Variants in GALNT17 observed in about 807,000 individuals in gnomAD.
GALNT17 encodes polypeptide N-acetylgalactosaminyltransferase 17, also known as UDP-GalNAc:polypeptide N-acetylgalactosaminyltransferase-like 3.
In GALNT17, 29 loss-of-function variants were observed where a neutral mutation model predicts 63.7. The observed-to-expected ratio is 0.46, with a 90% confidence interval of 0.34 to 0.62. The LOEUF (loss-of-function observed/expected upper bound fraction) is 0.62, where lower values mean the gene tolerates loss of function less well. Among genes scored for constraint, GALNT17 ranks in the 20% least tolerant of loss-of-function variants. The pLI is 0.01. For missense variants in GALNT17, 603 were observed against 799.6 expected (o/e 0.75, Z 2.97); for synonymous variants, 305 against 318.3 (o/e 0.96, Z 0.45).
At chr7:71,571,874 G>A (rs1009665345) in intron 6 of GALNT17, among the ~76,000 whole-genome samples, 2 of 151,854 alleles carry the variant, frequency 1.3e-5, no homozygotes, top group South Asian at 4.2e-4. Context: ...TTAGCCAAGC[G>A]TGATGGTGCA....
chr7:71,675,586 G>A (rs1791137655), intron 8 of GALNT17, among the ~76,000 whole-genome samples: 1 of 151,744 alleles, frequency 6.6e-6, no homozygotes, highest in African/African-American at 2.4e-5. Context: ...TTGCACCCCT[G>A]CACTCCAGCC....
intron 5 of GALNT17, among the ~76,000 whole-genome samples, chr7:71,457,273 T>G (rs1787371187): frequency 1.3e-5 from 2 of 152,198 alleles, no homozygotes; most frequent in South Asian, 4.1e-4. Context: ...CTTTTGTCTT[T>G]TAAGCTATCT....
At chr7:71,137,288 C>T (rs916329831) in intron 1 of GALNT17, among the ~76,000 whole-genome samples, 5 of 151,932 alleles carry the variant, frequency 3.3e-5, no homozygotes, top group South Asian at 2.1e-4. Flanking sequence ...TACAGGCGTC[C>T]GCCACCACGC....
intron 1 of GALNT17, among the ~76,000 whole-genome samples, chr7:71,164,197 A>G (rs79216094): frequency 0.027 from 4,121 of 152,324 alleles, 87 homozygotes; most frequent in Non-Finnish European, 0.04. Flanking sequence ...CTATAAAGAT[A>G]CTACCCGAGA....
intron 2 of GALNT17, among the ~76,000 whole-genome samples, chr7:71,378,507 G>A (rs1167603382): frequency 6.6e-6 from 1 of 152,128 alleles, no homozygotes; most frequent in Non-Finnish European, 1.5e-5. Context: ...ACAGAAGTGT[G>A]GTTGTGTTCG....
intron 5 of GALNT17, among the ~76,000 whole-genome samples, chr7:71,555,890 T>C (rs930517488): frequency 6.6e-6 from 1 of 152,260 alleles, no homozygotes; most frequent in Non-Finnish European, 1.5e-5. Flanking sequence ...GCTCGTGCGC[T>C]TGAAATCCGG....
chr7:71,142,160 A>G (rs528333074), intron 1 of GALNT17, among the ~76,000 whole-genome samples: 5 of 152,186 alleles, frequency 3.3e-5, no homozygotes, highest in South Asian at 4.1e-4. Context: ...ATGAGCCACT[A>G]TGCGGGGCCC....
chr7:71,616,320 C>T (rs1366367771), intron 6 of GALNT17, among the ~76,000 whole-genome samples: 1 of 151,996 alleles, frequency 6.6e-6, no homozygotes, highest in Non-Finnish European at 1.5e-5. Context: ...GATTGCTTCT[C>T]TTGTCCTCAC....
intron 1 of GALNT17, among the ~76,000 whole-genome samples, chr7:71,256,152 A>G (rs1398106939): frequency 1.3e-5 from 2 of 152,158 alleles, no homozygotes; most frequent in Non-Finnish European, 2.9e-5. Context: ...CCATTTACCA[A>G]TCAGAAAATC....
At chr7:71,555,710 C>T (rs545454283) in intron 5 of GALNT17, among the ~76,000 whole-genome samples, 1 of 152,150 alleles carries the variant, frequency 6.6e-6, no homozygotes, top group South Asian at 2.1e-4. Flanking sequence ...TGGGAGTGCA[C>T]CTCAACACAG....
chr7:71,140,616 C>T (rs1048460301), intron 1 of GALNT17, among the ~76,000 whole-genome samples: 4 of 152,148 alleles, frequency 2.6e-5, no homozygotes, highest in African/African-American at 9.7e-5. Context: ...GAAGAAAGCT[C>T]GGTAATTACT....
chr7:71,329,971 GTA>G (rs1791778380), intron 1 of GALNT17, among the ~76,000 whole-genome samples: 1 of 51,092 alleles, frequency 2.0e-5, no homozygotes, highest in Non-Finnish European at 4.4e-5. Context: ...ATATATATAC[GTA>G]TATGTGTGTG....
At chr7:71,527,246 T>C (rs993989393) in intron 5 of GALNT17, among the ~76,000 whole-genome samples, 1 of 152,202 alleles carries the variant, frequency 6.6e-6, no homozygotes, top group Non-Finnish European at 1.5e-5. Context: ...TTCAGCATGA[T>C]ATATAAAAAT....
intron 1 of GALNT17, among the ~76,000 whole-genome samples, chr7:71,149,985 G>A (rs553928331): frequency 4.3e-4 from 66 of 152,262 alleles, no homozygotes; most frequent in Non-Finnish European, 6.5e-4. Flanking sequence ...AGTGTGTCGG[G>A]GGCTGGAGGA....
chr7:71,478,399 G>C (rs1787759115), intron 5 of GALNT17, among the ~76,000 whole-genome samples: 1 of 151,998 alleles, frequency 6.6e-6, no homozygotes, highest in South Asian at 2.1e-4. Flanking sequence ...CTGCAGCCTG[G>C]AACTCACAGG....
At chr7:71,541,931 G>A (rs148179838) in intron 5 of GALNT17, among the ~76,000 whole-genome samples, 6 of 152,294 alleles carry the variant, frequency 3.9e-5, no homozygotes, top group East Asian at 3.9e-4. Context: ...CAGAGACGAC[G>A]TCTTATTTAA....
chr7:71,191,230 AAACAAG>A (rs1432973308), intron 1 of GALNT17, among the ~76,000 whole-genome samples: 2 of 152,156 alleles, frequency 1.3e-5, no homozygotes, highest in Non-Finnish European at 2.9e-5. Flanking sequence ...CATTCACCAG[AAACAAG>A]CACTATTTTG....
rs3062958 is a variant in GALNT17, at chr7:71,685,948, A to ATTTTT, written c.1500+8662_1500+8666dup. On this transcript the variant is annotated intron_variant, in intron 9 of 10. Coordinates refer to ENST00000333538, the MANE Select transcript of GALNT17 (RefSeq NM_022479.3). The stretch of plus-strand genomic sequence containing the variant: ...TTTTTTTCTTTTCAAGGCAATTACT[A>ATTTTT]TTTTTTTTTTTTTTTTTTTTTTTTG... Among the ~76,000 whole-genome samples, 108 of 59,810 alleles carry ATTTTT rather than the reference A, an allele frequency of 1.8e-3. 1 individual carries two copies. Among genetic ancestry groups the ATTTTT allele is most frequent in the Middle Eastern group, 0.021 (1 of 48 alleles). The allele number at this position is 59,810 out of a possible 152,430, so 39.2% of individuals were successfully genotyped here. A position where few individuals can be genotyped will look rare whatever the true frequency, so the allele number is the denominator to read the frequency against.
intron 2 of GALNT17, among the ~76,000 whole-genome samples, chr7:71,364,534 G>A (rs1238228947): frequency 1.3e-5 from 2 of 152,278 alleles, no homozygotes; most frequent in Middle Eastern, 3.4e-3. Flanking sequence ...TTGGACCAGT[G>A]AGGAAAGTAG....
Sources: gnomAD v4.1 joint callset for allele counts (sites outside exome capture counted in the v4.1 genomes callset) on GRCh38, gnomAD v4.1.1 for gene constraint, MANE v1.5 for transcripts, NCBI Gene and HGNC (gene_info 2026-07-23, HGNC 2026-07-21) for gene names.